The following NKD1 variants were observed in gnomAD, a reference collection of about 807,000 sequenced individuals.
NKD1 encodes the protein protein naked cuticle homolog 1.
Under a neutral mutation model 56.0 loss-of-function variants are expected in NKD1, and 21 were observed. The observed-to-expected ratio is 0.38, with a 90% CI of 0.27 to 0.54. The LOEUF (loss-of-function observed/expected upper bound fraction) is 0.54. Ranked by LOEUF, NKD1 falls within the 20% of genes least tolerant of loss-of-function variation. The probability of loss-of-function intolerance (pLI) is 0.82; values close to 1 mark genes in which losing one functional copy is unlikely to be tolerated. For missense variants in NKD1, 578 were observed against 642.7 expected, an observed-to-expected ratio of 0.90 and a Z score of 1.09; for synonymous variants, 263 against 265.7, an observed-to-expected ratio of 0.99 and a Z score of 0.10.
chr16:50,552,882 G>C (rs369774551), intron 3 of NKD1, among the ~76,000 whole-genome samples: 149 of 152,332 alleles, frequency 9.8e-4, no homozygotes, highest in Non-Finnish European at 1.7e-3. Context: ...TCACTTGGAG[G>C]GACGCAGGCC....
intron 4 of NKD1, among the ~76,000 whole-genome samples, chr16:50,616,872 G>A (rs1220332309): frequency 6.6e-6 from 1 of 152,204 alleles, no homozygotes; most frequent in Non-Finnish European, 1.5e-5. Flanking sequence ...CTAGGGTATT[G>A]GTCATATGAG....
At position 50,644,211 on chromosome 16, in the gene NKD1, G is replaced by A. The variant is rs1422432309; in HGVS notation, c.*10430G>A. The A allele has an allele frequency of 3.9e-5, 6 of 152,198 alleles. No homozygotes were observed. The highest frequency in any genetic ancestry group is 9.7e-5 in the African/African-American group (4 of 41,446). The allele number at this position is 152,198 out of a possible 1,614,324, so 9.4% of individuals were successfully genotyped here. On this transcript the variant is annotated 3_prime_UTR_variant, in exon 10 of 10. Transcript: ENST00000268459. ...GCAATTTCGTAAATACAGAATCCAC[G>A]GAGGGTGAGGATCCACCGTATGTAC...
chr16:50,633,508 C>T lies in NKD1; in HGVS notation c.1140C>T (p.Pro380=), dbSNP rs1248811484. Residue 380 remains proline, a synonymous_variant, in exon 10 of 10, where the codon CCC becomes CCT. Coordinates refer to ENST00000268459, the MANE Select transcript of NKD1 (RefSeq NM_033119.5). The surrounding 1 kb of genome is among the most constrained non-coding windows in gnomAD (Gnocchi z 4.9). ...GACCCGCCATCCCTGCGGTGTCCCC[C>T]TCCGCCCACCTGGCTGCCAGCCCGG... The part of the protein sequence containing the change: ...PLGPAIPAVS[P]SAHLAASPAL... 1 of 1,610,404 alleles carries T rather than the reference C, an allele frequency of 6.2e-7. No individual in the cohort carries two copies.
At chr16:50,578,701 T>C (rs1179545088) in intron 3 of NKD1, among the ~76,000 whole-genome samples, 1 of 152,150 alleles carries the variant, frequency 6.6e-6, no homozygotes, top group Non-Finnish European at 1.5e-5. Context: ...CCATCTCCTA[T>C]GATTCTGCAG....
chr16:50,628,218 AG>A (rs1462532364), intron 6 of NKD1, among the ~76,000 whole-genome samples: 4 of 152,236 alleles, frequency 2.6e-5, no homozygotes, highest in African/African-American at 9.6e-5. Context: ...ATTTAACAGA[AG>A]ATCCTGGATT....
intron 3 of NKD1, chr16:50,607,489 A>G (rs757325695): frequency 1.2e-5 from 2 of 161,642 alleles, no homozygotes; most frequent in Non-Finnish European, 2.7e-5. Context: ...GAGAACCGCT[A>G]CCATAGCATC....
intron 3 of NKD1, among the ~76,000 whole-genome samples, chr16:50,580,792 G>A (rs1328378388): frequency 6.6e-6 from 1 of 152,164 alleles, no homozygotes; most frequent in East Asian, 1.9e-4. Context: ...GCTGAATGTG[G>A]CTGTGCTCTT....
rs1962094648 is a variant in NKD1, at chr16:50,621,704, T to G, written c.362T>G (p.Phe121Cys). The G allele has an allele frequency of 1.2e-6, 2 of 1,612,558 alleles. No individual in the cohort carries two copies. Among genetic ancestry groups the G allele is most frequent in the Admixed American group, 3.3e-5 (2 of 59,902 alleles). The change falls in exon 5 of 10, where the codon TTT becomes TGT. Residue 121 changes from phenylalanine (F) to cysteine (C), a missense_variant. Transcript: ENST00000268459. ...PCPGSKKQLK[F>C]EELQCDVSME... ...CCAGGCTCCAAGAAGCAGCTGAAGT[T>G]TGAAGTAAGTTTCCTTTTGGTGCTG...
intron 3 of NKD1, among the ~76,000 whole-genome samples, chr16:50,580,962 T>A (rs1961104215): frequency 6.6e-6 from 1 of 152,256 alleles, no homozygotes; most frequent in African/African-American, 2.4e-5. Flanking sequence ...AAACAATTGC[T>A]ATCAAAGATG....
chr16:50,606,058 A>AT (rs369267044), intron 3 of NKD1: 265 of 141,504 alleles, frequency 1.9e-3, no homozygotes, highest in East Asian at 3.1e-3. Flanking sequence ...GGGGAGATGA[A>AT]TTTTTTTTTT....
chr16:50,644,019 G>A lies in NKD1; in HGVS notation c.*10238G>A, dbSNP rs778235660. On this transcript the variant is annotated 3_prime_UTR_variant, in exon 10 of 10. Transcript: ENST00000268459. ...AACAGACTGTGAGAAGGATGTTTGT[G>A]TATAGGATGAGAACTGAACCACGAA... 5 of 152,270 alleles carry A rather than the reference G, an allele frequency of 3.3e-5. No individual in the cohort carries two copies. The highest frequency in any genetic ancestry group is 2.9e-5 in the Non-Finnish European group (2 of 68,050). The allele number at this position is 152,270 out of a possible 1,614,324, so 9.4% of individuals were successfully genotyped here. A position where few individuals can be genotyped will look rare whatever the true frequency, so the allele number is the denominator to read the frequency against.
chr16:50,572,031 C>T (rs1960896600), intron 3 of NKD1, among the ~76,000 whole-genome samples: 1 of 152,196 alleles, frequency 6.6e-6, no homozygotes, highest in Admixed American at 6.5e-5. Context: ...TCTATTCCTG[C>T]AGCTGGAGAT....
intron 4 of NKD1, among the ~76,000 whole-genome samples, chr16:50,620,335 T>C (rs1430346413): frequency 5.3e-5 from 8 of 152,092 alleles, no homozygotes; most frequent in Non-Finnish European, 2.9e-5. Context: ...GTGAGTGTGG[T>C]GGGAGTGTGG....
intron 6 of NKD1, among the ~76,000 whole-genome samples, chr16:50,629,538 C>T (rs962814514): frequency 6.6e-6 from 1 of 152,184 alleles, no homozygotes; most frequent in Non-Finnish European, 1.5e-5. Context: ...TGGATGGTGC[C>T]CACTGTAAGA....
intron 3 of NKD1, chr16:50,566,086 T>C: frequency 9.2e-6 from 8 of 869,914 alleles, no homozygotes; most frequent in Non-Finnish European, 1.1e-5. Flanking sequence ...TTCTGGCTGG[T>C]GTCTACAAAA....
At position 50,645,775 on chromosome 16, in the gene NKD1, C is replaced by T. The variant is rs190255167; in HGVS notation, c.*11994C>T. On this transcript the variant is annotated 3_prime_UTR_variant, in exon 10 of 10. Coordinates refer to ENST00000268459, the MANE Select transcript of NKD1 (RefSeq NM_033119.5). The stretch of plus-strand genomic sequence containing the variant: ...TACATGTGGGATCAGCACTACCTTC[C>T]GTGCTGCCGAACATCTTCTTAAGCG... The T allele has an allele frequency of 4.6e-5, 7 of 152,266 alleles. No homozygotes were observed. Among genetic ancestry groups the T allele is most frequent in the Non-Finnish European group, 7.3e-5 (5 of 68,028 alleles). The allele number at this position is 152,266 out of a possible 1,614,324, so 9.4% of individuals were successfully genotyped here. A position where few individuals can be genotyped will look rare whatever the true frequency, so the allele number is the denominator to read the frequency against.
chr16:50,646,083 G>C lies in NKD1; in HGVS notation c.*12302G>C, dbSNP rs1238119433. On this transcript the variant is annotated 3_prime_UTR_variant, in exon 10 of 10. Transcript: ENST00000268459. ...TTTGAAGTCGGTCTGGCCCAGTGGG[G>C]AGCGGGCTTCTGTGGAGACAAGATG... 3 of 150,244 alleles carry C rather than the reference G, an allele frequency of 2.0e-5. No homozygotes were observed. The highest frequency in any genetic ancestry group is 4.4e-5 in the Non-Finnish European group (3 of 67,626). The allele number at this position is 150,244 out of a possible 1,614,324, so 9.3% of individuals were successfully genotyped here. A position where few individuals can be genotyped will look rare whatever the true frequency, so the allele number is the denominator to read the frequency against.
intron 3 of NKD1, among the ~76,000 whole-genome samples, chr16:50,584,560 C>T (rs186067876): frequency 6.6e-6 from 1 of 152,296 alleles, no homozygotes; most frequent in Admixed American, 6.5e-5. Flanking sequence ...GTTTTCTCAT[C>T]TGTAAAATGG....
intron 3 of NKD1, among the ~76,000 whole-genome samples, chr16:50,575,852 G>A (rs546958135): frequency 3.2e-4 from 48 of 152,320 alleles, no homozygotes; most frequent in African/African-American, 1.1e-3. Context: ...GACATTTGGC[G>A]ATATCTGGGT....
Sources: gnomAD v4.1 joint callset for allele counts (sites outside exome capture counted in the v4.1 genomes callset) on GRCh38, gnomAD v4.1.1 for gene constraint, Gnocchi (gnomAD v3.1) non-coding constraint, MANE v1.5 for transcripts, NCBI Gene and HGNC (gene_info 2026-07-23, HGNC 2026-07-21) for gene names.